The following PHKA2 variants were observed in gnomAD, a reference collection of about 807,000 sequenced individuals.
PHKA2 encodes the protein phosphorylase kinase regulatory subunit alpha 2, also known as phosphorylase b kinase regulatory subunit alpha, liver isoform.
A neutral mutation model predicts 102.0 loss-of-function variants in PHKA2; 31 were observed. The observed-to-expected ratio is 0.30, with a 90% CI of 0.23 to 0.41. The LOEUF is 0.41. Ranked by LOEUF, PHKA2 falls within the 10% of genes least tolerant of loss-of-function variation. The probability of loss-of-function intolerance (pLI) is 1.00; values close to 1 mark genes in which losing one functional copy is unlikely to be tolerated. For missense variants in PHKA2, 858 were observed against 1,023.1 expected (o/e 0.84, Z 2.20); for synonymous variants, 455 against 416.2 (o/e 1.09, Z -1.13).
intron 5 of PHKA2, among the ~76,000 whole-genome samples, chrX:18,946,940 C>T (rs1297928836): frequency 9.1e-6 from 1 of 109,399 alleles, no homozygotes; most frequent in African/African-American, 3.3e-5. Flanking sequence ...TCACTAGATG[C>T]CACGAACACC....
In PHKA2 at chrX:18,979,345, G is replaced by A. The variant is rs150781402; in HGVS notation, c.78+4510C>T. On this transcript the variant is annotated intron_variant, in intron 1 of 32. Coordinates refer to ENST00000379942, the MANE Select transcript of PHKA2 (RefSeq NM_000292.3). ...TAAATTCCGTGGCCATTAAATAACA[G>A]TATTTACTGTCCCAGTCTCTTAGTT... 2.7e-3 allele frequency among the ~76,000 whole-genome samples: 302 copies of A among 111,278 alleles called. 3 individuals carry two copies. Among genetic ancestry groups the A allele is most frequent in the African/African-American group, 9.6e-3 (293 of 30,624 alleles).
chrX:18,924,028 T>C, intron 17 of PHKA2, 28 bp downstream of exon 17: 7 of 1,044,896 alleles, frequency 6.7e-6, no homozygotes, highest in Non-Finnish European at 9.4e-6. Flanking sequence ...GTGCTACTCT[T>C]ATATTTTTTA....
Position 18,904,831 on chromosome X carries a change from G to A in PHKA2, c.2908+927C>T, listed in dbSNP as rs113037430. Among the ~76,000 whole-genome samples, 541 of 111,856 alleles carry A rather than the reference G, an allele frequency of 4.8e-3. 6 individuals carry two copies. The highest frequency in any genetic ancestry group is 0.016 in the African/African-American group (505 of 30,826). On this transcript the variant is annotated intron_variant, in intron 26 of 32. Coordinates refer to ENST00000379942, the MANE Select transcript of PHKA2 (RefSeq NM_000292.3). ...GGCTTGATGAAATAAATTCACCAACGTGCCTGCAAATCATTTAGCTTTTTT... is the reference window on the plus strand; with the variant it reads ...GGCTTGATGAAATAAATTCACCAACATGCCTGCAAATCATTTAGCTTTTTT...
chrX:18,969,269 T>C (rs2048987511), intron 1 of PHKA2, among the ~76,000 whole-genome samples: 1 of 111,774 alleles, frequency 8.9e-6, no homozygotes, highest in African/African-American at 3.3e-5. Flanking sequence ...CAAGTCTGAA[T>C]GACCATAATT....
intron 28 of PHKA2, among the ~76,000 whole-genome samples, chrX:18,899,633 A>G (rs1276197734): frequency 9.8e-5 from 11 of 112,066 alleles, no homozygotes; most frequent in Admixed American, 6.6e-4. Context: ...TGACACTAAC[A>G]TGCTGCACCT....
chrX:18,980,763 A>G (rs747938610), intron 1 of PHKA2, among the ~76,000 whole-genome samples: 19 of 111,729 alleles, frequency 1.7e-4, no homozygotes, highest in Non-Finnish European at 3.6e-4. Context: ...CTTTCTCTAT[A>G]CTTTGTCTTT....
intron 20 of PHKA2, among the ~76,000 whole-genome samples, chrX:18,909,340 G>C (rs914792108): frequency 1.8e-5 from 2 of 111,922 alleles, no homozygotes; most frequent in South Asian, 3.7e-4. Flanking sequence ...AGGTGTGAAG[G>C]ATGTGCTATC....
chrX:18,899,377 C>T (rs1309925917), intron 28 of PHKA2, 151 bp from the exon 29 acceptor site: 2 of 524,708 alleles, frequency 3.8e-6, no homozygotes, highest in African/African-American at 4.6e-5. Context: ...CGCACATAGG[C>T]AAGCTCAGGT....
chrX:18,906,359 G>GT (rs1424342125), intron 25 of PHKA2, 136 bp downstream of exon 25: 13 of 761,107 alleles, frequency 1.7e-5, no homozygotes, highest in Non-Finnish European at 2.6e-5. Flanking sequence ...AGAGAAGCTG[G>GT]TAAGGCCTGA....
intron 22 of PHKA2, 27 bp from the exon 23 acceptor site, chrX:18,907,124 G>C: frequency 1.8e-6 from 2 of 1,089,015 alleles, no homozygotes. Flanking sequence ...AAGGGTGAGA[G>C]GCAGAGCGCG....
At chrX:18,973,832 C>T (rs1329903017) in intron 1 of PHKA2, among the ~76,000 whole-genome samples, 1 of 112,044 alleles carries the variant, frequency 8.9e-6, no homozygotes, top group Non-Finnish European at 1.9e-5. Context: ...ACTGACTGAA[C>T]TCCCTTAAAT....
intron 26 of PHKA2, among the ~76,000 whole-genome samples, chrX:18,903,248 T>C (rs2047732549): frequency 8.9e-6 from 1 of 112,772 alleles, no homozygotes; most frequent in Non-Finnish European, 1.9e-5. Flanking sequence ...CGCATGGAGT[T>C]TGATCTGGTG....
intron 20 of PHKA2, 82 bp downstream of exon 20, chrX:18,910,790 T>C: frequency 1.8e-6 from 1 of 562,682 alleles, no homozygotes; most frequent in Non-Finnish European, 3.1e-6. Flanking sequence ...TCTTTTGAGT[T>C]TAGCCATTTG....
rs1169323929 is a variant in PHKA2 at position 18,968,426 on chromosome X, G to A, written c.79-14014C>T. Among the ~76,000 whole-genome samples, 3 of 107,526 alleles carry A rather than the reference G, an allele frequency of 2.8e-5. No individual in the cohort carries two copies. In the Admixed American group the frequency reaches 2.9e-4, roughly 10 times the overall value. The allele number at this position is 107,526 out of a possible 115,157, so 93.4% of individuals were successfully genotyped here. On this transcript the variant is annotated intron_variant, in intron 1 of 32. Coordinates refer to ENST00000379942, the MANE Select transcript of PHKA2 (RefSeq NM_000292.3). ...AAATCCAGCTTCACACAGATATGCA[G>A]GGAGAACTATTTTAAGTCTTTTTGG... is the stretch of plus-strand genomic sequence containing the variant.
intron 8 of PHKA2, 37 bp from the exon 9 acceptor site, chrX:18,940,085 A>T (rs1569319327): frequency 9.4e-7 from 1 of 1,058,490 alleles, no homozygotes; most frequent in Non-Finnish European, 1.3e-6. Flanking sequence ...GCTCAGAGAA[A>T]TTTTTTTGCC....
chrX:18,895,371 G>T lies in PHKA2; in HGVS notation c.3283-180C>A, dbSNP rs779487024. On this transcript the variant is annotated intron_variant, in intron 30 of 32. Transcript: ENST00000379942. ...CTTGTTCTCACTGCCCACAGGCTGT[G>T]TTTTCGATGGAACAATTCTAGGGAA... is the stretch of plus-strand genomic sequence containing the variant. The T allele has an allele frequency of 1.7e-3, 851 of 487,115 alleles. 6 individuals are homozygous for T. The highest frequency in any genetic ancestry group is 0.016 in the African/African-American group (697 of 42,771). 40.1% of individuals were successfully genotyped at this position (487,115 alleles called of 1,213,427 possible). A position where few individuals can be genotyped will look rare whatever the true frequency, so the allele number is the denominator to read the frequency against.
intron 12 of PHKA2, among the ~76,000 whole-genome samples, chrX:18,930,329 C>A (rs952521901): frequency 2.7e-5 from 3 of 111,487 alleles, no homozygotes; most frequent in African/African-American, 9.8e-5. Flanking sequence ...TTGGCCCCCA[C>A]AACCCCACTC....
intron 4 of PHKA2, 119 bp from the exon 5 acceptor site, chrX:18,948,945 G>A: frequency 3.8e-6 from 2 of 523,678 alleles, no homozygotes; most frequent in Non-Finnish European, 6.8e-6. Context: ...TTCTTCCAAA[G>A]GCATCAAAAA....
chrX:18,952,181 T>G (rs765822395), intron 3 of PHKA2, among the ~76,000 whole-genome samples: 3 of 67,544 alleles, frequency 4.4e-5, no homozygotes, highest in African/African-American at 1.9e-4. Context: ...AGATATTGTA[T>G]CTACAAAAAA....
Sources: allele counts gnomAD v4.1 joint callset (sites outside exome capture counted in the v4.1 genomes callset), GRCh38; gene constraint gnomAD v4.1.1; transcripts MANE v1.5; gene names NCBI Gene and HGNC (gene_info 2026-07-23, HGNC 2026-07-21).